The following NCKAP5 variants were observed in gnomAD, a reference collection of about 807,000 sequenced individuals.
NCKAP5 encodes the protein NCK associated protein 5.
Under a neutral mutation model 167.0 loss-of-function variants are expected in NCKAP5, and 92 were observed. The observed-to-expected ratio is 0.55, with a 90% CI of 0.47 to 0.66. The LOEUF (loss-of-function observed/expected upper bound fraction) is 0.66, where lower values mean the gene tolerates loss of function less well. Among genes scored for constraint, NCKAP5 ranks in the 30% least tolerant of loss-of-function variants. The probability of loss-of-function intolerance (pLI) is 0.00; values close to 1 mark genes in which losing one functional copy is unlikely to be tolerated. For missense variants in NCKAP5, 2,378 were observed against 2,315.0 expected, an observed-to-expected ratio of 1.03 and a Z score of -0.56; for synonymous variants, 891 against 877.4, an observed-to-expected ratio of 1.02 and a Z score of -0.27.
chr2:133,180,559 G>T (rs987005717), intron 5 of NCKAP5, among the ~76,000 whole-genome samples: 7 of 152,046 alleles, frequency 4.6e-5, no homozygotes, highest in Non-Finnish European at 8.8e-5. Flanking sequence ...GGCTGGTCTT[G>T]AACTCCTGAG....
chr2:132,962,495 G>C (rs994307923), intron 8 of NCKAP5, among the ~76,000 whole-genome samples: 3 of 152,174 alleles, frequency 2.0e-5, no homozygotes, highest in Non-Finnish European at 4.4e-5. Flanking sequence ...GGAAATTAGT[G>C]TAAAATGGAT....
At chr2:133,132,675 ATT>A (rs35497758) in intron 5 of NCKAP5, among the ~76,000 whole-genome samples, 6,788 of 139,118 alleles carry the variant, frequency 0.049, 131 homozygotes, top group African/African-American at 0.067. Context: ...TTTGTACCCA[ATT>A]TTTTTTTTTT....
At chr2:132,927,430 A>G (rs1695991764) in intron 8 of NCKAP5, among the ~76,000 whole-genome samples, 1 of 152,068 alleles carries the variant, frequency 6.6e-6, no homozygotes, top group African/African-American at 2.4e-5. Context: ...TAGGGATTAC[A>G]CTGAATATAC....
At chr2:132,705,348 A>G (rs1688262407) in intron 19 of NCKAP5, among the ~76,000 whole-genome samples, 1 of 152,028 alleles carries the variant, frequency 6.6e-6, no homozygotes, top group Admixed American at 6.6e-5. Context: ...TATACTTACC[A>G]TCTCCAATTC....
intron 6 of NCKAP5, among the ~76,000 whole-genome samples, chr2:133,113,877 G>C (rs769222132): frequency 6.6e-6 from 1 of 152,168 alleles, no homozygotes; most frequent in Non-Finnish European, 1.5e-5. Flanking sequence ...CCACTGGGCT[G>C]CAAGCTGGGT....
chr2:133,575,664 C>T, the NCKAP5 span, among the ~76,000 whole-genome samples: 9 of 152,164 alleles, frequency 5.9e-5, no homozygotes, highest in South Asian at 4.2e-4. Flanking sequence ...AGGTTCCATT[C>T]GGTTCCATAA....
At chr2:133,373,599 T>G (rs1211345823) in intron 3 of NCKAP5, among the ~76,000 whole-genome samples, 1 of 152,170 alleles carries the variant, frequency 6.6e-6, no homozygotes, top group Non-Finnish European at 1.5e-5. Context: ...AGACCCTGAA[T>G]AGTGAAAAAT....
chr2:132,783,148 A>T lies in NCKAP5; in HGVS notation c.3663T>A (p.Asp1221Glu). ...PDSQAQGSLA[D>E]GLPLETALQE... ...GTAGTGCTGTTTCCAGGGGAAGCCC[A>T]TCAGCTAAACTGCCCTGTGCTTGTG... The change falls in exon 14 of 20, where the codon GAT (aspartate) becomes GAA (glutamate). Residue 1221 changes from aspartate (D) to glutamate (E), a missense_variant. This residue lies in a region of NCKAP5 where 1,325 missense variants were observed against 1,274.5 expected (regional missense o/e 1.04). Transcript: ENST00000409261. The T allele has an allele frequency of 6.2e-7, 1 of 1,613,616 alleles. No individual in the cohort carries two copies. The highest frequency in any genetic ancestry group is 8.5e-7 in the Non-Finnish European group (1 of 1,179,732).
intron 3 of NCKAP5, among the ~76,000 whole-genome samples, chr2:133,321,306 C>A (rs1219009370): frequency 6.6e-6 from 1 of 152,164 alleles, no homozygotes; most frequent in Non-Finnish European, 1.5e-5. Context: ...CTAGGTTAGG[C>A]TCAGTTATAT....
At chr2:132,819,222 T>C (rs544943876) in intron 11 of NCKAP5, among the ~76,000 whole-genome samples, 2 of 152,298 alleles carry the variant, frequency 1.3e-5, no homozygotes, top group South Asian at 4.1e-4. Flanking sequence ...TGAACAGGAA[T>C]GGGTGAATTT....
chr2:132,887,344 T>TAC (rs1692317276), intron 8 of NCKAP5, among the ~76,000 whole-genome samples: 1 of 100,340 alleles, frequency 1.0e-5, no homozygotes, highest in African/African-American at 4.7e-5. Flanking sequence ...TCTATCTATC[T>TAC]ATCTATCCAT....
chr2:132,948,318 A>T (rs1008805492), intron 8 of NCKAP5, among the ~76,000 whole-genome samples: 12 of 152,176 alleles, frequency 7.9e-5, no homozygotes, highest in African/African-American at 2.9e-4. Flanking sequence ...TTGCAACGTG[A>T]TTCATCTCAG....
At chr2:132,687,841 A>T (rs1247549616) in intron 19 of NCKAP5, among the ~76,000 whole-genome samples, 1 of 151,972 alleles carries the variant, frequency 6.6e-6, no homozygotes, top group Non-Finnish European at 1.5e-5. Context: ...CCTCACAAAA[A>T]TGTTTGAGTA....
At chr2:133,449,942 C>T (rs1298430203) in intron 3 of NCKAP5, among the ~76,000 whole-genome samples, 4 of 151,840 alleles carry the variant, frequency 2.6e-5, no homozygotes, top group Non-Finnish European at 4.4e-5. Flanking sequence ...GTCTGTGCAT[C>T]TCTATGTTTG....
chr2:132,715,812 G>A (rs1486853103), intron 19 of NCKAP5, among the ~76,000 whole-genome samples: 1 of 152,188 alleles, frequency 6.6e-6, no homozygotes, highest in African/African-American at 2.4e-5. Context: ...CACCAAATTA[G>A]GTAGCTGGAC....
chr2:132,689,908 G>T (rs975967439), intron 19 of NCKAP5, among the ~76,000 whole-genome samples: 1 of 152,118 alleles, frequency 6.6e-6, no homozygotes, highest in Non-Finnish European at 1.5e-5. Flanking sequence ...TGCTAATGGT[G>T]TAGTCATATT....
At chr2:133,261,403 C>T (rs570601339) in intron 4 of NCKAP5, among the ~76,000 whole-genome samples, 1 of 152,308 alleles carries the variant, frequency 6.6e-6, no homozygotes, top group South Asian at 2.1e-4. Context: ...ATAATTCTAA[C>T]ATAACAGAGA....
At chr2:133,388,221 G>C (rs1687138059) in intron 3 of NCKAP5, among the ~76,000 whole-genome samples, 3 of 152,256 alleles carry the variant, frequency 2.0e-5, no homozygotes, top group African/African-American at 7.2e-5. Context: ...TGGGGCTTTG[G>C]TGTGGATGTC....
Position 133,558,720 on chromosome 2 carries a change from A to AAAAAAAAAAAT in NCKAP5, c.-62+329_-62+330insATTTTTTTTTT, listed in dbSNP as rs1483364262. 2.0e-5 allele frequency among the ~76,000 whole-genome samples: 3 copies of AAAAAAAAAAAT among 149,848 alleles called. 1 individual carries two copies. Among genetic ancestry groups the AAAAAAAAAAAT allele is most frequent in the African/African-American group, 7.3e-5 (3 of 40,898 alleles). On this transcript the variant is annotated intron_variant, in intron 2 of 19. Coordinates refer to ENST00000409261, the MANE Select transcript of NCKAP5 (RefSeq NM_207363.3). ...TGTGCTGAGCAAAAAAAAAAAAAAA[A>AAAAAAAAAAAT]AAAAAAGCCCATATGGCAGGAACAT...
Sources: allele counts gnomAD v4.1 joint callset (sites outside exome capture counted in the v4.1 genomes callset), GRCh38; gene constraint gnomAD v4.1.1; regional missense constraint gnomAD v4.1.1; transcripts MANE v1.5; gene names NCBI Gene and HGNC (gene_info 2026-07-23, HGNC 2026-07-21).